The following UBE2E2 variants were observed in gnomAD, a reference collection of about 807,000 sequenced individuals.
UBE2E2 encodes ubiquitin-conjugating enzyme E2 E2.
UBE2E2 carries 6 observed loss-of-function variants against 24.7 expected under a neutral mutation model. The observed-to-expected ratio is 0.24, with a 90% confidence interval of 0.13 to 0.48. The LOEUF is 0.48. Among genes scored for constraint, UBE2E2 ranks in the 20% least tolerant of loss-of-function variants. The pLI, the probability that UBE2E2 is intolerant of heterozygous loss-of-function variation, is 0.99. For synonymous variants in UBE2E2, 104 were observed against 83.6 expected, an observed-to-expected ratio of 1.24 and a Z score of -1.33; for missense variants, 169 against 245.0, an observed-to-expected ratio of 0.69 and a Z score of 2.07.
intron 3 of UBE2E2, among the ~76,000 whole-genome samples, chr3:23,444,057 C>T (rs764867473): frequency 1.4e-3 from 212 of 147,776 alleles, no homozygotes; most frequent in Non-Finnish European, 2.0e-3. Context: ...GTTTTCTTCA[C>T]CAGTTTTGTT....
chr3:23,233,235 G>T (rs1399862808), intron 3 of UBE2E2, among the ~76,000 whole-genome samples: 1 of 152,166 alleles, frequency 6.6e-6, no homozygotes, highest in Non-Finnish European at 1.5e-5. Context: ...GGTGGGGCAG[G>T]ATTGGACAGG....
chr3:23,385,527 C>A (rs949357102), intron 3 of UBE2E2, among the ~76,000 whole-genome samples: 5 of 152,208 alleles, frequency 3.3e-5, no homozygotes, highest in Admixed American at 2.6e-4. Context: ...CCAGGGCTTG[C>A]TCTGTAATCC....
chr3:23,487,390 C>G (rs1350651286), intron 3 of UBE2E2, among the ~76,000 whole-genome samples: 1 of 152,192 alleles, frequency 6.6e-6, no homozygotes, highest in Non-Finnish European at 1.5e-5. Flanking sequence ...AGGCTCCCAC[C>G]CTACCAACTC....
chr3:23,558,444 C>T (rs1167806120), intron 5 of UBE2E2, among the ~76,000 whole-genome samples: 1 of 152,142 alleles, frequency 6.6e-6, no homozygotes, highest in Non-Finnish European at 1.5e-5. Flanking sequence ...GCCCGAGTCT[C>T]AGACTCATGT....
chr3:23,455,150 G>A (rs1450776287), intron 3 of UBE2E2, among the ~76,000 whole-genome samples: 2 of 152,304 alleles, frequency 1.3e-5, no homozygotes, highest in African/African-American at 2.4e-5. Context: ...AATAGATGGA[G>A]CAGAACTATC....
rs1575728937 is a variant in UBE2E2 at position 23,591,206 on chromosome 3, G to A, written c.*1375G>A. The A allele has an allele frequency of 6.6e-6, 1 of 152,140 alleles. No individual in the cohort carries two copies. Among genetic ancestry groups the A allele is most frequent in the African/African-American group, 2.4e-5 (1 of 41,406 alleles). The allele number at this position is 152,140 out of a possible 1,614,324, so 9.4% of individuals were successfully genotyped here. On this transcript the variant is annotated 3_prime_UTR_variant, in exon 6 of 6. Coordinates refer to ENST00000396703, the MANE Select transcript of UBE2E2 (RefSeq NM_152653.4). ...AATTCAGGGTTATTAGTGTAACAAA[G>A]CGTAGTGGAAACTCCTACTCCTGCT...
rs149194082 is a variant in UBE2E2, at chr3:23,377,842, C to T, written c.228-121766C>T. Among the ~76,000 whole-genome samples the T allele has an allele frequency of 2.3e-3, 343 of 152,232 alleles. 3 individuals carry two copies. Among genetic ancestry groups the T allele is most frequent in the African/African-American group, 7.9e-3 (327 of 41,550 alleles). ...TAGTAAATATTATTTGTTTTTTAAT[C>T]TTGATATTTAGAATTTCAAGTTTTC... On this transcript the variant is annotated intron_variant, in intron 3 of 5. Transcript: ENST00000396703.
intron 2 of UBE2E2, among the ~76,000 whole-genome samples, chr3:23,217,020 G>T (rs887001172): frequency 1.3e-4 from 20 of 152,138 alleles, no homozygotes; most frequent in African/African-American, 4.8e-4. Flanking sequence ...CAGTGGTTCA[G>T]TGAAGTCGTA....
chr3:23,381,918 C>T (rs776520497), intron 3 of UBE2E2, among the ~76,000 whole-genome samples: 10 of 152,194 alleles, frequency 6.6e-5, no homozygotes, highest in South Asian at 2.1e-4. Flanking sequence ...AGGTGGGAGG[C>T]GGAATGGCTG....
chr3:23,569,768 T>C (rs1696181159), intron 5 of UBE2E2, among the ~76,000 whole-genome samples: 1 of 152,222 alleles, frequency 6.6e-6, no homozygotes, highest in Non-Finnish European at 1.5e-5. Context: ...GGACATTTTA[T>C]ATTTCAAAGT....
intron 3 of UBE2E2, among the ~76,000 whole-genome samples, chr3:23,417,979 C>G (rs890573094): frequency 2.6e-5 from 4 of 152,200 alleles, no homozygotes; most frequent in African/African-American, 9.7e-5. Flanking sequence ...GCCAGTGGAT[C>G]TTAGCTTGCT....
At chr3:23,488,217 A>G (rs1485333402) in intron 3 of UBE2E2, among the ~76,000 whole-genome samples, 1 of 134,292 alleles carries the variant, frequency 7.4e-6, no homozygotes, top group African/African-American at 2.8e-5. Context: ...TTTTTTTTTT[A>G]ATTAGACTTT....
chr3:23,482,534 G>A (rs1477664078), intron 3 of UBE2E2, among the ~76,000 whole-genome samples: 7 of 151,972 alleles, frequency 4.6e-5, no homozygotes, highest in South Asian at 2.1e-4. Context: ...TGCTGCCCAC[G>A]CTGTTCTTGA....
intron 3 of UBE2E2, among the ~76,000 whole-genome samples, chr3:23,379,569 T>C (rs1414694721): frequency 6.6e-6 from 1 of 151,372 alleles, no homozygotes; most frequent in Admixed American, 6.6e-5. Flanking sequence ...ACAAAGGACA[T>C]GAACTCATCA....
intron 3 of UBE2E2, among the ~76,000 whole-genome samples, chr3:23,293,207 C>T (rs1277329346): frequency 6.6e-6 from 1 of 152,204 alleles, no homozygotes; most frequent in Non-Finnish European, 1.5e-5. Context: ...GTTGTGTGGA[C>T]AGCAACAGAT....
intron 3 of UBE2E2, among the ~76,000 whole-genome samples, chr3:23,492,678 A>G (rs1035435795): frequency 6.6e-6 from 1 of 152,148 alleles, no homozygotes; most frequent in Non-Finnish European, 1.5e-5. Flanking sequence ...AATCCCTTCA[A>G]TCAAGATTTA....
chr3:23,205,769 G>A (rs531226872), intron 1 of UBE2E2, among the ~76,000 whole-genome samples: 1 of 152,174 alleles, frequency 6.6e-6, no homozygotes, highest in Non-Finnish European at 1.5e-5. Context: ...ATTTCTAATA[G>A]TATTTTTATT....
At chr3:23,285,644 C>T (rs2125374795) in intron 3 of UBE2E2, among the ~76,000 whole-genome samples, 1 of 152,248 alleles carries the variant, frequency 6.6e-6, no homozygotes, top group African/African-American at 2.4e-5. Flanking sequence ...AGCACTCTTT[C>T]ATATGGCTGT....
chr3:23,208,971 G>A lies in UBE2E2; in HGVS notation c.176+96G>A, dbSNP rs377616011. ...ATTTAATCATTTTTTCTGGGATGTCGGCCGTGAACTTCATGGATTTTTCTT... is the reference window on the plus strand; with the variant it reads ...ATTTAATCATTTTTTCTGGGATGTCAGCCGTGAACTTCATGGATTTTTCTT... On this transcript the variant is annotated intron_variant, in intron 2 of 5. Transcript: ENST00000396703. 183 of 1,278,260 alleles carry A rather than the reference G, an allele frequency of 1.4e-4. 1 individual carries two copies. The highest frequency in any genetic ancestry group is 8.8e-4 in the Middle Eastern group (4 of 4,564). The allele number at this position is 1,278,260 out of a possible 1,614,324, so 79.2% of individuals were successfully genotyped here.
Sources: gnomAD v4.1 joint callset for allele counts (sites outside exome capture counted in the v4.1 genomes callset) on GRCh38, gnomAD v4.1.1 for gene constraint, MANE v1.5 for transcripts, NCBI Gene and HGNC (gene_info 2026-07-23, HGNC 2026-07-21) for gene names.